Variants in NELL2 observed in about 807,000 individuals in gnomAD.
The protein encoded by NELL2 is neural EGFL like 2.
In NELL2, 41 loss-of-function variants were observed where a neutral mutation model predicts 109.6. That is an observed-to-expected ratio of 0.37 (90% confidence interval 0.29 to 0.49). NELL2 has a LOEUF of 0.49. Among genes scored for constraint, NELL2 ranks in the 20% least tolerant of loss-of-function variants. The pLI, the probability that NELL2 is intolerant of heterozygous loss-of-function variation, is 0.98. For missense variants in NELL2, 900 were observed against 1,008.3 expected, an observed-to-expected ratio of 0.89 and a Z score of 1.45; for synonymous variants, 355 against 344.7, an observed-to-expected ratio of 1.03 and a Z score of -0.33.
At chr12:44,581,016 T>C (rs2136210609) in intron 15 of NELL2, among the ~76,000 whole-genome samples, 1 of 152,330 alleles carries the variant, frequency 6.6e-6, no homozygotes, top group South Asian at 2.1e-4. Context: ...TTTTTAAAAA[T>C]GTAATATTTG....
At position 44,668,091 on chromosome 12, in the gene NELL2, C is replaced by A. The variant is rs367633669; in HGVS notation, c.1319-2482G>T. ...CCCCTGCTTTTCTACATCCCTAGAG[C>A]ACCATGGCATCCCTTCACATCCATC... On this transcript the variant is annotated intron_variant, in intron 12 of 19. Transcript: ENST00000429094. 6.3e-4 allele frequency among the ~76,000 whole-genome samples: 96 copies of A among 152,292 alleles called. 2 individuals carry two copies. The South Asian group carries it at 0.019, about 31-fold the overall frequency.
chr12:44,755,035 T>A lies in NELL2; in HGVS notation c.994+19712A>T, dbSNP rs184049872. On this transcript the variant is annotated intron_variant, in intron 9 of 19. Coordinates refer to ENST00000429094, the MANE Select transcript of NELL2 (RefSeq NM_001145108.2). The stretch of plus-strand genomic sequence containing the variant: ...ACATTTCCAATGCATTGTGATTCTC[T>A]TTTCACATAACTACACACATCCCAC... Among the ~76,000 whole-genome samples, 21 of 152,290 alleles carry A rather than the reference T, an allele frequency of 1.4e-4. No individual in the cohort carries two copies. The East Asian group carries it at 4.1e-3, about 29-fold the overall frequency.
At chr12:44,765,158 T>C (rs1174940149) in intron 9 of NELL2, among the ~76,000 whole-genome samples, 1 of 152,224 alleles carries the variant, frequency 6.6e-6, no homozygotes, top group African/African-American at 2.4e-5. Flanking sequence ...AAATTACCAA[T>C]GTTATGAATC....
At chr12:44,628,096 A>G (rs1488636320) in intron 13 of NELL2, among the ~76,000 whole-genome samples, 1 of 152,140 alleles carries the variant, frequency 6.6e-6, no homozygotes, top group Non-Finnish European at 1.5e-5. Context: ...GCACAGCAGT[A>G]AAACAAAAAT....
intron 12 of NELL2, among the ~76,000 whole-genome samples, chr12:44,684,892 C>T (rs1310380303): frequency 3.3e-5 from 5 of 152,104 alleles, no homozygotes; most frequent in African/African-American, 1.2e-4. Flanking sequence ...AATGTATATT[C>T]TGTTGATTTG....
chr12:44,668,901 A>T (rs1379185262), intron 12 of NELL2, among the ~76,000 whole-genome samples: 1 of 151,950 alleles, frequency 6.6e-6, no homozygotes, highest in South Asian at 2.1e-4. Flanking sequence ...CACTGCAACT[A>T]CCAGAACCTG....
At chr12:44,523,013 T>C (rs957274937) in intron 17 of NELL2, 3 of 428,046 alleles carry the variant, frequency 7.0e-6, no homozygotes, top group Non-Finnish European at 8.6e-6. Flanking sequence ...AGACACAATA[T>C]AGTATATACT....
chr12:44,800,150 C>T (rs1942781029), intron 3 of NELL2, among the ~76,000 whole-genome samples: 1 of 152,206 alleles, frequency 6.6e-6, no homozygotes, highest in African/African-American at 2.4e-5. Flanking sequence ...CTACTATGTA[C>T]TTAATTTTAC....
chr12:44,558,108 G>A (rs1943324240), intron 15 of NELL2, among the ~76,000 whole-genome samples: 1 of 152,110 alleles, frequency 6.6e-6, no homozygotes, highest in African/African-American at 2.4e-5. Context: ...GGTATTTTGA[G>A]AAGAAAACAA....
At chr12:44,547,243 CTA>C (rs1463072857) in intron 15 of NELL2, among the ~76,000 whole-genome samples, 1 of 152,160 alleles carries the variant, frequency 6.6e-6, no homozygotes, top group Non-Finnish European at 1.5e-5. Context: ...ATTTTAAAGT[CTA>C]GTTTTATCTA....
chr12:44,842,326 A>G (rs1250715787), intron 2 of NELL2, among the ~76,000 whole-genome samples: 1 of 152,206 alleles, frequency 6.6e-6, no homozygotes, highest in Non-Finnish European at 1.5e-5. Context: ...AAACTACCAA[A>G]TAAATTCAAT....
intron 2 of NELL2, among the ~76,000 whole-genome samples, chr12:44,825,020 T>C (rs1943665295): frequency 6.6e-6 from 1 of 152,204 alleles, no homozygotes; most frequent in Admixed American, 6.5e-5. Flanking sequence ...TGTAGTGTAA[T>C]ATACTAAAGT....
intron 11 of NELL2, among the ~76,000 whole-genome samples, chr12:44,707,628 G>C (rs1057201077): frequency 1.3e-5 from 2 of 152,138 alleles, no homozygotes; most frequent in African/African-American, 2.4e-5. Flanking sequence ...GTTTCCTAAA[G>C]TGTAACTCAT....
chr12:44,812,397 C>T (rs1334207717), intron 3 of NELL2, among the ~76,000 whole-genome samples: 1 of 152,136 alleles, frequency 6.6e-6, no homozygotes, highest in Non-Finnish European at 1.5e-5. Flanking sequence ...CACTTACTAC[C>T]TTGACCACAA....
chr12:44,548,698 T>C (rs1942906856), intron 15 of NELL2, among the ~76,000 whole-genome samples: 2 of 152,142 alleles, frequency 1.3e-5, no homozygotes, highest in South Asian at 4.1e-4. Context: ...ATATTTTCTT[T>C]CAGAATAAAT....
chr12:44,865,530 G>A (rs1944969201), intron 2 of NELL2, among the ~76,000 whole-genome samples: 1 of 108,508 alleles, frequency 9.2e-6, no homozygotes, highest in Non-Finnish European at 1.9e-5. Context: ...GGATGAAATT[G>A]GAAACCATCA....
At chr12:44,681,900 C>T (rs2057307925) in intron 12 of NELL2, among the ~76,000 whole-genome samples, 1 of 151,556 alleles carries the variant, frequency 6.6e-6, no homozygotes, top group South Asian at 2.1e-4. Context: ...GTCTTTATAG[C>T]AGCATGATTT....
chr12:44,689,768 G>T (rs1948843432), intron 12 of NELL2, among the ~76,000 whole-genome samples: 1 of 152,134 alleles, frequency 6.6e-6, no homozygotes, highest in Non-Finnish European at 1.5e-5. Context: ...GGCTGGCACA[G>T]GTGTACTACT....
At chr12:44,737,046 G>A (rs1939688065) in intron 9 of NELL2, among the ~76,000 whole-genome samples, 1 of 151,720 alleles carries the variant, frequency 6.6e-6, no homozygotes, top group South Asian at 2.1e-4. Context: ...ATTATTTTTA[G>A]ATATTGAAAT....
Sources: allele counts gnomAD v4.1 joint callset (sites outside exome capture counted in the v4.1 genomes callset), GRCh38; gene constraint gnomAD v4.1.1; transcripts MANE v1.5; gene names NCBI Gene and HGNC (gene_info 2026-07-23, HGNC 2026-07-21).